KLF13: variants seen among roughly 807,000 people sequenced by gnomAD.
KLF13 encodes KLF transcription factor 13.
In KLF13, 8 loss-of-function variants were observed where a neutral mutation model predicts 16.7. The ratio of observed to expected loss-of-function variants is 0.48; its 90% CI spans 0.28 to 0.87. KLF13 has a LOEUF of 0.87. Ranked by LOEUF, KLF13 falls within the 40% of genes least tolerant of loss-of-function variation. The pLI, the probability that KLF13 is intolerant of heterozygous loss-of-function variation, is 0.10. For synonymous variants in KLF13, 245 were observed against 208.4 expected (o/e 1.18, Z -1.51); for missense variants, 447 against 452.2 (o/e 0.99, Z 0.10).
intron 1 of KLF13, among the ~76,000 whole-genome samples, chr15:31,435,209 G>C (rs573240245): frequency 3.3e-5 from 5 of 152,190 alleles, no homozygotes; most frequent in Admixed American, 6.5e-5. Context: ...CTTTGTCACA[G>C]TAAGGGACAC....
chr15:31,385,587 CTG>C (rs1203385159), intron 1 of KLF13, among the ~76,000 whole-genome samples: 2 of 152,186 alleles, frequency 1.3e-5, no homozygotes, highest in African/African-American at 4.8e-5. Context: ...TTATGGTGAT[CTG>C]TGATCAGTGA....
rs374279340 is a variant in KLF13 at position 31,427,160 on chromosome 15, C to T, written n.118-8210C>T. On this transcript the variant is annotated intron_variant and non_coding_transcript_variant, in intron 1 of 1. Transcript: ENST00000558225. Reference sequence around the variant, plus strand: ...TTCTCACTCTCCATAATCATGTAAGCGAGTTCCCCTAATAAATCCCCCATC... The same window carrying T: ...TTCTCACTCTCCATAATCATGTAAGTGAGTTCCCCTAATAAATCCCCCATC... Among the ~76,000 whole-genome samples, 43 of 152,172 alleles carry T rather than the reference C, an allele frequency of 2.8e-4. 2 individuals are homozygous for T. The highest frequency in any genetic ancestry group is 9.2e-4 in the Admixed American group (14 of 15,274).
downstream of KLF13, among the ~76,000 whole-genome samples, chr15:31,405,167 G>C (rs930796336): frequency 1.3e-5 from 2 of 152,132 alleles, no homozygotes; most frequent in Non-Finnish European, 2.9e-5. Context: ...TAGAAAACAA[G>C]AGCCTGCGTA....
At chr15:31,397,241 T>TGGGGC (rs1365723749) in intron 2 of KLF13, among the ~76,000 whole-genome samples, 2 of 1,186 alleles carry the variant, frequency 1.7e-3, no homozygotes, top group Non-Finnish European at 3.6e-3. Context: ...TGGGGTGGGG[T>TGGGGC]GGGGCGGGCA....
At chr15:31,392,383 G>T (rs532901154), upstream of KLF13, among the ~76,000 whole-genome samples, 1 of 152,202 alleles carries the variant, frequency 6.6e-6, no homozygotes, top group African/African-American at 2.4e-5. Context: ...GCCGAGTCAC[G>T]GGTCGCGGGG....
intron 1 of KLF13, among the ~76,000 whole-genome samples, chr15:31,352,847 A>G (rs1015194097): frequency 3.3e-5 from 5 of 152,232 alleles, no homozygotes; most frequent in Non-Finnish European, 7.3e-5. Flanking sequence ...ATCACCAGAT[A>G]GAACCCAGAG....
Position 31,327,755 on chromosome 15 carries a change from T to G in KLF13, c.543T>G (p.Ser181=), listed in dbSNP as rs1296268763. ...YAGCEKVYGK[S]SHLKAHLRTH... ...GCTGCGAGAAAGTTTACGGGAAATC[T>G]TCGCACCTCAAGGCGCACCTGAGAA... The change falls in exon 1 of 2, where the codon TCT becomes TCG. Residue 181 remains serine, a synonymous_variant. Coordinates refer to ENST00000307145, the MANE Select transcript of KLF13 (RefSeq NM_015995.4). The G allele has an allele frequency of 3.9e-6, 6 of 1,532,048 alleles. No homozygotes were observed. The highest frequency in any genetic ancestry group is 5.3e-6 in the Non-Finnish European group (6 of 1,134,884). The allele number at this position is 1,532,048 out of a possible 1,614,324, so 94.9% of individuals were successfully genotyped here.
chr15:31,434,647 C>A (rs916038286), intron 1 of KLF13, among the ~76,000 whole-genome samples: 1 of 152,254 alleles, frequency 6.6e-6, no homozygotes, highest in East Asian at 1.9e-4. Context: ...GGGCCTGAAG[C>A]GGGTTAAGAG....
chr15:31,420,629 A>T, intron 1 of KLF13: 1 of 405,586 alleles, frequency 2.5e-6, no homozygotes, highest in South Asian at 2.1e-5. Context: ...CAAGAAACCT[A>T]TTCAAAGCAG....
intron 1 of KLF13, among the ~76,000 whole-genome samples, chr15:31,430,761 A>G (rs1434557096): frequency 6.6e-6 from 1 of 152,244 alleles, no homozygotes; most frequent in Non-Finnish European, 1.5e-5. Context: ...AAACATGTAA[A>G]TGTTCCTTAA....
rs72722811 is a variant in KLF13 at position 31,328,341 on chromosome 15, C to T, written c.577+552C>T. ...CGGCACATTCTTCGCTCTCTTCTTC[C>T]TGTAATTTTTCCAGCGCTCTAAGGT... On this transcript the variant is annotated intron_variant, in intron 1 of 1. Coordinates refer to ENST00000307145, the MANE Select transcript of KLF13 (RefSeq NM_015995.4). 9.5e-3 allele frequency among the ~76,000 whole-genome samples: 1,442 copies of T among 152,068 alleles called. 12 individuals carry two copies. The highest frequency in any genetic ancestry group is 0.017 in the Middle Eastern group (5 of 292).
chr15:31,333,678 C>G (rs1384985073), intron 1 of KLF13, among the ~76,000 whole-genome samples: 1 of 152,098 alleles, frequency 6.6e-6, no homozygotes, highest in Non-Finnish European at 1.5e-5. Flanking sequence ...TTCAGTTCCC[C>G]TAGTGATTCC....
At chr15:31,381,834 A>G (rs1428497136), downstream of KLF13, among the ~76,000 whole-genome samples, 1 of 152,252 alleles carries the variant, frequency 6.6e-6, no homozygotes, top group Admixed American at 6.5e-5. Flanking sequence ...AGTTCTTAAA[A>G]GCCGATCAGT....
intron 1 of KLF13, among the ~76,000 whole-genome samples, chr15:31,409,954 A>G (rs1031644491): frequency 6.6e-6 from 1 of 152,222 alleles, no homozygotes; most frequent in African/African-American, 2.4e-5. Context: ...CATTCTGGAA[A>G]TGAAGCAAAT....
chr15:31,378,713 T>G (rs1595485310), downstream of KLF13, among the ~76,000 whole-genome samples: 1 of 152,206 alleles, frequency 6.6e-6, no homozygotes, highest in East Asian at 1.9e-4. Context: ...TCTTTTTCTT[T>G]TTTTTGAGAC....
intron 1 of KLF13, among the ~76,000 whole-genome samples, chr15:31,415,169 G>A (rs143382164): frequency 0.01 from 1,580 of 152,212 alleles, 18 homozygotes; most frequent in Middle Eastern, 0.017. Context: ...AGTGAAAGCA[G>A]CCTATAGCTC....
rs562264627 is a variant in KLF13 at position 31,395,404 on chromosome 15, A to G, written n.529+1713A>G. On this transcript the variant is annotated intron_variant and non_coding_transcript_variant, in intron 2 of 2. Transcript: ENST00000500533. The stretch of plus-strand genomic sequence containing the variant: ...CTTAGCTGCTATGAATGCTGCTGCT[A>G]TGAACATGTGTGTACAAGCTTCTGT... Among the ~76,000 whole-genome samples, 68 of 152,346 alleles carry G rather than the reference A, an allele frequency of 4.5e-4. 2 individuals carry two copies. In the South Asian group the frequency reaches 0.014, roughly 31 times the overall value.
intron 1 of KLF13, among the ~76,000 whole-genome samples, chr15:31,433,459 G>A (rs140043198): frequency 0.013 from 2,016 of 152,266 alleles, 53 homozygotes; most frequent in African/African-American, 0.047. Flanking sequence ...TGGGCTGTCA[G>A]CTGTGTTCCC....
downstream of KLF13, among the ~76,000 whole-genome samples, chr15:31,406,310 C>T (rs998969559): frequency 6.6e-6 from 1 of 152,188 alleles, no homozygotes; most frequent in African/African-American, 2.4e-5. Flanking sequence ...AACCCCATCT[C>T]TACTAAAAAT....
Sources: gnomAD v4.1 joint callset for allele counts (sites outside exome capture counted in the v4.1 genomes callset) on GRCh38, gnomAD v4.1.1 for gene constraint, MANE v1.5 for transcripts, NCBI Gene and HGNC (gene_info 2026-07-23, HGNC 2026-07-21) for gene names.